The following ENTREP2 variants were observed in gnomAD, a reference collection of about 807,000 sequenced individuals.
ENTREP2 encodes the protein endosomal transmembrane epsin interactor 2.
At chr15:29,279,635 T>C in the ENTREP2 span, among the ~76,000 whole-genome samples, 26 of 152,158 alleles carry the variant, frequency 1.7e-4, no homozygotes, top group Non-Finnish European at 2.9e-4. Context: ...AGTGCTGGGA[T>C]TACAGGCATG....
At chr15:29,542,744 G>C in the ENTREP2 span, among the ~76,000 whole-genome samples, 1 of 152,166 alleles carries the variant, frequency 6.6e-6, no homozygotes, top group Admixed American at 6.5e-5. Context: ...CTCCCCTGCT[G>C]TCCCTGGAAA....
chr15:29,397,341 A>G, the ENTREP2 span, among the ~76,000 whole-genome samples: 1 of 152,178 alleles, frequency 6.6e-6, no homozygotes. Flanking sequence ...CCGTGAGCCG[A>G]GATTGTGCCA....
the ENTREP2 span, chr15:29,269,778 C>G: frequency 7.4e-7 from 1 of 1,351,810 alleles, no homozygotes; most frequent in South Asian, 1.7e-5. Flanking sequence ...GTCGGCGACC[C>G]GCTAACGCCG....
the ENTREP2 span, among the ~76,000 whole-genome samples, chr15:29,208,812 TG>T: frequency 6.6e-6 from 1 of 150,600 alleles, no homozygotes; most frequent in Admixed American, 6.6e-5. Flanking sequence ...GGGAGGAGAG[TG>T]GGGAAAACAA....
chr15:29,284,899 G>C, the ENTREP2 span, among the ~76,000 whole-genome samples: 4 of 152,192 alleles, frequency 2.6e-5, no homozygotes, highest in African/African-American at 7.2e-5. Flanking sequence ...TAACGTCAAT[G>C]CAAGTTATAA....
chr15:29,453,404 T>A, the ENTREP2 span, among the ~76,000 whole-genome samples: 1 of 152,222 alleles, frequency 6.6e-6, no homozygotes, highest in African/African-American at 2.4e-5. Context: ...AAGTGAACTG[T>A]AGCTTTTGGC....
At chr15:29,548,661 G>A in the ENTREP2 span, among the ~76,000 whole-genome samples, 1 of 151,928 alleles carries the variant, frequency 6.6e-6, no homozygotes, top group Non-Finnish European at 1.5e-5. Context: ...AAGGATAATG[G>A]GACCACAAAA....
the ENTREP2 span, among the ~76,000 whole-genome samples, chr15:29,157,029 G>GGAGGTA: frequency 1.1e-3 from 164 of 152,302 alleles, 1 homozygote; most frequent in African/African-American, 3.8e-3. Context: ...CCTGGGAGGT[G>GGAGGTA]GAGGTAGCCG....
chr15:29,489,665 T>G, the ENTREP2 span, among the ~76,000 whole-genome samples: 1 of 152,176 alleles, frequency 6.6e-6, no homozygotes, highest in African/African-American at 2.4e-5. Flanking sequence ...TCTCTGGATA[T>G]CCCATGCACA....
At chr15:29,512,709 T>C in the ENTREP2 span, among the ~76,000 whole-genome samples, 2 of 152,198 alleles carry the variant, frequency 1.3e-5, no homozygotes, top group Admixed American at 1.3e-4. Context: ...TGCAAGCACT[T>C]TGACCTGGGA....
At chr15:29,224,468 C>A in the ENTREP2 span, among the ~76,000 whole-genome samples, 1 of 152,156 alleles carries the variant, frequency 6.6e-6, no homozygotes, top group African/African-American at 2.4e-5. Context: ...CTGATTGGTC[C>A]ATTTTACAGA....
At chr15:29,656,594 G>C in the ENTREP2 span, among the ~76,000 whole-genome samples, 1 of 152,178 alleles carries the variant, frequency 6.6e-6, no homozygotes, top group East Asian at 1.9e-4. Context: ...CAAATGGAAA[G>C]ATGCTCAACA....
chr15:29,327,151 G>A, the ENTREP2 span, among the ~76,000 whole-genome samples: 3 of 151,986 alleles, frequency 2.0e-5, no homozygotes, highest in Non-Finnish European at 4.4e-5. Context: ...TTTGGGGTTT[G>A]GTTCAAAGAC....
chr15:29,196,529 A>AC, the ENTREP2 span: 1 of 1,551,630 alleles, frequency 6.4e-7, no homozygotes, highest in Non-Finnish European at 8.7e-7. Context: ...GCTGCAGCTC[A>AC]CAGCAGACAC....
the ENTREP2 span, among the ~76,000 whole-genome samples, chr15:29,571,724 G>A: frequency 6.6e-6 from 1 of 152,324 alleles, no homozygotes; most frequent in Admixed American, 6.5e-5. Flanking sequence ...CCAACATAGA[G>A]TTTAAAATAT....
chr15:29,373,447 T>C, the ENTREP2 span, among the ~76,000 whole-genome samples: 5 of 151,978 alleles, frequency 3.3e-5, no homozygotes, highest in East Asian at 3.9e-4. Context: ...GTAGATTGAG[T>C]TGGGGTCCTT....
chr15:29,215,005 T>G, the ENTREP2 span, among the ~76,000 whole-genome samples: 2 of 152,356 alleles, frequency 1.3e-5, no homozygotes, highest in Middle Eastern at 3.4e-3. Flanking sequence ...ACTTTTTGTC[T>G]TGATGACCTT....
chr15:29,362,144 C>G, the ENTREP2 span, among the ~76,000 whole-genome samples: 1 of 152,104 alleles, frequency 6.6e-6, no homozygotes, highest in Non-Finnish European at 1.5e-5. Context: ...ACAGACCTTA[C>G]CACCCACTCA....
chr15:29,163,400 G>A, the ENTREP2 span, among the ~76,000 whole-genome samples: 6 of 151,580 alleles, frequency 4.0e-5, no homozygotes, highest in African/African-American at 1.5e-4. Context: ...CTCAATGCAA[G>A]GAAATCCAAA....
Sources: gnomAD v4.1 joint callset for allele counts (sites outside exome capture counted in the v4.1 genomes callset) on GRCh38, gnomAD v4.1.1 for gene constraint, MANE v1.5 for transcripts, NCBI Gene and HGNC (gene_info 2026-07-23, HGNC 2026-07-21) for gene names.